PCDHA6: variants seen among roughly 807,000 people sequenced by gnomAD.
PCDHA6 encodes protocadherin alpha 6.
Under a neutral mutation model 60.3 loss-of-function variants are expected in PCDHA6, and 55 were observed. That is an observed-to-expected ratio of 0.91 (90% CI 0.73 to 1.14). The LOEUF (loss-of-function observed/expected upper bound fraction) is 1.14. PCDHA6 is among the 50% of genes most tolerant of loss of function. PCDHA6 has a pLI of 0.00. For synonymous variants in PCDHA6, 652 were observed against 557.9 expected, an observed-to-expected ratio of 1.17 and a Z score of -2.38; for missense variants, 1,327 against 1,256.5, an observed-to-expected ratio of 1.06 and a Z score of -0.85.
Position 140,885,215 on chromosome 5 carries a change from A to T in PCDHA6, c.2394+54730A>T, listed in dbSNP as rs564445744. Among the ~76,000 whole-genome samples the T allele has an allele frequency of 2.8e-3, 423 of 152,102 alleles. 2 individuals carry two copies. The highest frequency in any genetic ancestry group is 0.014 in the Middle Eastern group (4 of 294). On this transcript the variant is annotated intron_variant, in intron 1 of 3. Transcript: ENST00000529310. ...CCCTCTCATATATCCCATGAAAAAT[A>T]TCTTGTGATTCTGCTTTCAATTTTT... is the stretch of plus-strand genomic sequence containing the variant.
At chr5:140,979,211 A>G (rs1241898337) in intron 2 of PCDHA6, among the ~76,000 whole-genome samples, 18 of 152,222 alleles carry the variant, frequency 1.2e-4, no homozygotes, top group Admixed American at 7.9e-4. Context: ...GTGCTGGCAT[A>G]TAAGAGTCCT....
chr5:140,865,121 A>G (rs1247954384), intron 1 of PCDHA6: 9 of 152,186 alleles, frequency 5.9e-5, no homozygotes, highest in African/African-American at 2.2e-4. Context: ...TTGTGGTGTT[A>G]ATTATACCTT....
At chr5:140,841,167 G>T (rs1003651834) in intron 1 of PCDHA6, 106 of 954,536 alleles carry the variant, frequency 1.1e-4, no homozygotes, top group Non-Finnish European at 3.5e-5. Context: ...AAGAAGTTCT[G>T]GTTGGTCAAT....
At chr5:141,001,265 T>C (rs71583613) in intron 3 of PCDHA6, among the ~76,000 whole-genome samples, 24 of 152,168 alleles carry the variant, frequency 1.6e-4, no homozygotes, top group Admixed American at 7.2e-4. Flanking sequence ...GGCACTCTTA[T>C]GAACTTTTTT....
intron 1 of PCDHA6, among the ~76,000 whole-genome samples, chr5:140,921,161 T>A (rs201050388): frequency 2.1e-5 from 3 of 141,450 alleles, no homozygotes; most frequent in African/African-American, 5.2e-5. Context: ...ATTTTTTTTT[T>A]AACACACATA....
Position 141,009,631 on chromosome 5 carries a change from A to G in PCDHA6, c.2547A>G (p.Pro849=). 6.2e-7 allele frequency: 1 copy of G among 1,613,068 alleles called. No individual in the cohort carries two copies. The highest frequency in any genetic ancestry group is 8.5e-7 in the Non-Finnish European group (1 of 1,179,354). The change falls in exon 4 of 4, where the codon CCA becomes CCG. Residue 849 remains proline (P), a synonymous_variant. Transcript: ENST00000529310. ...WPTVSSATPE[P]EAGEVSPPVG... is the part of the protein sequence containing the mutation. ...TTGTAATGTTTTGTCTTTCAGAACC[A>G]GAGGCAGGAGAAGTGTCCCCTCCAG...
chr5:140,829,966 G>T lies in PCDHA6; in HGVS notation c.1875G>T (p.Gly625=), dbSNP rs2150178804. Residue 625 remains glycine, a synonymous_variant, in exon 1 of 4, where the codon GGG becomes GGT. Transcript: ENST00000529310. ...ASSARFPFRV[G]LYTGEISTTR... is the part of the protein sequence containing the mutation. Reference sequence around the variant, plus strand: ...GCGCTCGCTTCCCGTTTCGCGTGGGGCTGTACACGGGCGAGATCAGCACCA... The same window carrying T: ...GCGCTCGCTTCCCGTTTCGCGTGGGTCTGTACACGGGCGAGATCAGCACCA... 1 of 1,614,002 alleles carries T rather than the reference G, an allele frequency of 6.2e-7. No homozygotes were observed. The highest frequency in any genetic ancestry group is 8.5e-7 in the Non-Finnish European group (1 of 1,179,920).
At chr5:140,905,251 A>G (rs1382207700) in intron 1 of PCDHA6, among the ~76,000 whole-genome samples, 4 of 152,174 alleles carry the variant, frequency 2.6e-5, no homozygotes, top group East Asian at 1.9e-4. Context: ...ATTCTTCCAC[A>G]TGAGGCTTGG....
At chr5:140,915,015 G>T (rs1469800021) in intron 1 of PCDHA6, among the ~76,000 whole-genome samples, 3 of 146,766 alleles carry the variant, frequency 2.0e-5, no homozygotes, top group Non-Finnish European at 4.5e-5. Flanking sequence ...GCCTGATCTT[G>T]GCTCACTGCA....
At chr5:140,980,284 T>C (rs1226756896) in intron 2 of PCDHA6, among the ~76,000 whole-genome samples, 6 of 152,182 alleles carry the variant, frequency 3.9e-5, no homozygotes, top group African/African-American at 1.4e-4. Flanking sequence ...TCTTGAAAAG[T>C]ACCAAAGCTA....
At chr5:140,864,478 G>A (rs377075793) in intron 1 of PCDHA6, 3 of 152,180 alleles carry the variant, frequency 2.0e-5, no homozygotes, top group Admixed American at 6.5e-5. Context: ...GATGTTGATT[G>A]CAGTGGGTGG....
rs2150484404 is a variant in PCDHA6, at chr5:140,850,437, C to T, written c.2394+19952C>T. 6.3e-6 allele frequency: 10 copies of T among 1,597,794 alleles called. 1 individual carries two copies. Among genetic ancestry groups the T allele is most frequent in the African/African-American group, 1.3e-5 (1 of 74,284 alleles). ...AACGGACGCACCGCGCCAGCGCCTA[C>T]TGGTGCTGGTGAAAGACCACGGGGA... On this transcript the variant is annotated intron_variant, in intron 1 of 3. Transcript: ENST00000529310.
At chr5:140,902,189 C>T (rs2069172292) in intron 1 of PCDHA6, among the ~76,000 whole-genome samples, 1 of 145,890 alleles carries the variant, frequency 6.9e-6, no homozygotes, top group African/African-American at 2.6e-5. Flanking sequence ...TATGTCTTCT[C>T]TCTCTCTCTC....
rs781820550 is a variant in PCDHA6, at chr5:140,869,927, G to A, written c.2394+39442G>A. 14 of 1,611,538 alleles carry A rather than the reference G, an allele frequency of 8.7e-6. No individual in the cohort carries two copies. The East Asian group carries it at 2.5e-4, about 28-fold the overall frequency. On this transcript the variant is annotated intron_variant, in intron 1 of 3. Coordinates refer to ENST00000529310, the MANE Select transcript of PCDHA6 (RefSeq NM_018909.4). ...ACAGACCGAGACGAAGGAGTCAATG[G>A]AGAGGTAACATACTCCTTAATGTCA...
rs1265852069 is a variant in PCDHA6 at position 140,837,275 on chromosome 5, CTT to C, written c.2394+6791_2394+6792del. The C allele has an allele frequency of 4.6e-5, 7 of 152,036 alleles. 1 individual carries two copies. The highest frequency in any genetic ancestry group is 1.7e-4 in the African/African-American group (7 of 41,340). 9.4% of individuals were successfully genotyped at this position (152,036 alleles called of 1,614,324 possible). ...TTTTATCATATTTGTGTAGCACTGA[CTT>C]CTTTTTAACTTACTTTGTTGAGATG... On this transcript the variant is annotated intron_variant, in intron 1 of 3. Coordinates refer to ENST00000529310, the MANE Select transcript of PCDHA6 (RefSeq NM_018909.4).
chr5:140,863,405 C>A (rs1554158176), intron 1 of PCDHA6: 1 of 799,642 alleles, frequency 1.3e-6, no homozygotes, highest in East Asian at 4.2e-5. Flanking sequence ...GGCAAGCCCA[C>A]GCTGGTGTAC....
At chr5:140,968,189 T>C (rs181004208) in intron 1 of PCDHA6, 2 of 1,614,034 alleles carry the variant, frequency 1.2e-6, no homozygotes, top group Middle Eastern at 1.6e-4. Flanking sequence ...GGACTCCTAT[T>C]CCATCTACAT....
intron 3 of PCDHA6, among the ~76,000 whole-genome samples, chr5:141,003,377 T>C (rs2098121331): frequency 6.6e-6 from 1 of 152,180 alleles, no homozygotes; most frequent in African/African-American, 2.4e-5. Context: ...AGTGGTGCAA[T>C]CTCAGCTCAC....
At chr5:140,856,119 A>G (rs782020835) in intron 1 of PCDHA6, 1 of 1,597,678 alleles carries the variant, frequency 6.3e-7, no homozygotes, top group East Asian at 2.2e-5. Flanking sequence ...GCAGCCTGGG[A>G]GGTGGGGAGC....
Sources: allele counts gnomAD v4.1 joint callset (sites outside exome capture counted in the v4.1 genomes callset), GRCh38; gene constraint gnomAD v4.1.1; transcripts MANE v1.5; gene names NCBI Gene and HGNC (gene_info 2026-07-23, HGNC 2026-07-21).